Variants in SYT17 observed in about 807,000 individuals in gnomAD.
SYT17 encodes synaptotagmin 17.
SYT17 carries 22 observed loss-of-function variants against 46.7 expected under a neutral mutation model. That is an observed-to-expected ratio of 0.47 (90% CI 0.34 to 0.67). SYT17 has a LOEUF of 0.67. Ranked by LOEUF, SYT17 falls within the 30% of genes least tolerant of loss-of-function variation. The probability of loss-of-function intolerance (pLI) is 0.01; values close to 1 mark genes in which losing one functional copy is unlikely to be tolerated. For synonymous variants in SYT17, 251 were observed against 248.4 expected (o/e 1.01, Z -0.10); for missense variants, 519 against 612.8 (o/e 0.85, Z 1.62).
At chr16:19,178,148 A>G (rs145488443) in intron 3 of SYT17, among the ~76,000 whole-genome samples, 2,606 of 151,892 alleles carry the variant, frequency 0.017, 34 homozygotes, top group African/African-American at 0.024. Flanking sequence ...CAGTGGTGCA[A>G]TCTCGCTCAC....
chr16:19,190,885 G>A (rs113070115), intron 5 of SYT17, among the ~76,000 whole-genome samples: 2,194 of 151,724 alleles, frequency 0.014, 52 homozygotes, highest in African/African-American at 0.051. Context: ...TGCCTCCACC[G>A]TTTGGCTATT....
intron 5 of SYT17, among the ~76,000 whole-genome samples, chr16:19,194,022 C>T (rs886800670): frequency 6.6e-6 from 1 of 152,204 alleles, no homozygotes; most frequent in Non-Finnish European, 1.5e-5. Context: ...CTCTTGCCAC[C>T]CTCAGGGCTC....
intron 6 of SYT17, among the ~76,000 whole-genome samples, chr16:19,224,222 C>T (rs1256073229): frequency 6.6e-6 from 1 of 152,106 alleles, no homozygotes; most frequent in Non-Finnish European, 1.5e-5. Flanking sequence ...GTTCTGTGTC[C>T]ACCAGCAAGA....
Position 19,267,142 on chromosome 16 carries a change from A to G in SYT17, c.*66A>G. 7.3e-7 allele frequency: 1 copy of G among 1,377,874 alleles called. No individual in the cohort carries two copies. The highest frequency in any genetic ancestry group is 9.7e-7 in the Non-Finnish European group (1 of 1,035,814). 85.4% of individuals were successfully genotyped at this position (1,377,874 alleles called of 1,614,324 possible). On this transcript the variant is annotated 3_prime_UTR_variant, in exon 8 of 8. Transcript: ENST00000355377. ...AAAAAAAGACGGAAAAAAATGTGTC[A>G]CATACTATTACATCCACACCTGCAT...
intron 5 of SYT17, among the ~76,000 whole-genome samples, chr16:19,216,560 A>G (rs1038710031): frequency 5.3e-5 from 8 of 151,816 alleles, no homozygotes; most frequent in Admixed American, 3.3e-4. Flanking sequence ...AGATCCTGGT[A>G]TGTGATATTC....
chr16:19,173,688 A>G, intron 3 of SYT17, 110 bp downstream of exon 3: 1 of 1,231,816 alleles, frequency 8.1e-7, no homozygotes, highest in Non-Finnish European at 1.1e-6. Flanking sequence ...TGGGGGCATG[A>G]AAGAGAAGCA....
At position 19,223,149 on chromosome 16, in the gene SYT17, T is replaced by A. The variant is rs1008746554; in HGVS notation, c.1056T>A (p.Asp352Glu). ...VIRAKQLLQT[D>E]VSQGSDPFVK... Reference sequence around the variant, plus strand: ...GAGCCAAGCAACTTCTTCAGACAGATGTGAGCCAAGGTTCAGGTACCGTGT... The same window carrying A: ...GAGCCAAGCAACTTCTTCAGACAGAAGTGAGCCAAGGTTCAGGTACCGTGT... The change falls in exon 6 of 8, where the codon GAT becomes GAA. Residue 352 changes from aspartate to glutamate, a missense_variant. By Grantham distance (45) the Asp-to-Glu change is conservative (BLOSUM62 2). Transcript: ENST00000355377. 1.2e-6 allele frequency: 2 copies of A among 1,613,890 alleles called. No homozygotes were observed. The highest frequency in any genetic ancestry group is 4.5e-5 in the East Asian group (2 of 44,880).
chr16:19,188,830 G>C (rs1452776254), intron 5 of SYT17, among the ~76,000 whole-genome samples: 1 of 152,196 alleles, frequency 6.6e-6, no homozygotes, highest in Non-Finnish European at 1.5e-5. Flanking sequence ...GAGCTGCATT[G>C]CTCTAATCCC....
chr16:19,247,019 CA>C (rs1233364675), intron 7 of SYT17, among the ~76,000 whole-genome samples: 18 of 152,088 alleles, frequency 1.2e-4, no homozygotes, highest in African/African-American at 4.1e-4. Flanking sequence ...AAAGGGTGGC[CA>C]GGGGGAAGGT....
intron 7 of SYT17, among the ~76,000 whole-genome samples, chr16:19,241,271 T>C (rs1967097619): frequency 1.4e-5 from 2 of 145,682 alleles, no homozygotes; most frequent in Admixed American, 6.8e-5. Flanking sequence ...CTGACTTTGC[T>C]CCGAGTTAGG....
chr16:19,246,589 T>C (rs1967590512), intron 7 of SYT17, among the ~76,000 whole-genome samples: 1 of 152,206 alleles, frequency 6.6e-6, no homozygotes. Flanking sequence ...TATGTGTATA[T>C]ACGTACACAT....
chr16:19,259,239 A>G (rs1273845444), intron 7 of SYT17, among the ~76,000 whole-genome samples: 1 of 152,196 alleles, frequency 6.6e-6, no homozygotes, highest in Non-Finnish European at 1.5e-5. Context: ...TTGGAGGAGG[A>G]GAACTAAAAG....
intron 7 of SYT17, among the ~76,000 whole-genome samples, chr16:19,237,521 G>T (rs1966865061): frequency 6.6e-6 from 1 of 152,166 alleles, no homozygotes; most frequent in Non-Finnish European, 1.5e-5. Context: ...CCACGGCAAT[G>T]ACCCGACAAC....
At chr16:19,230,212 AG>A (rs1427262333) in intron 7 of SYT17, among the ~76,000 whole-genome samples, 1 of 152,156 alleles carries the variant, frequency 6.6e-6, no homozygotes, top group Admixed American at 6.5e-5. Flanking sequence ...GTTTGAGACC[AG>A]CCTGGCCAAT....
chr16:19,174,907 C>T lies in SYT17; in HGVS notation c.182+1329C>T, dbSNP rs567972835. ...TGAGGGCAGGCGGATCACTTGAGCTCAGGATTTCGAGACCAGCCTGGGCCA... is the reference window on the plus strand; with the variant it reads ...TGAGGGCAGGCGGATCACTTGAGCTTAGGATTTCGAGACCAGCCTGGGCCA... On this transcript the variant is annotated intron_variant, in intron 3 of 7. Transcript: ENST00000355377. 2.0e-5 allele frequency among the ~76,000 whole-genome samples: 3 copies of T among 152,186 alleles called. No individual in the cohort carries two copies. The South Asian group carries it at 6.2e-4, about 32-fold the overall frequency.
At chr16:19,195,580 G>T (rs1314509666) in intron 5 of SYT17, among the ~76,000 whole-genome samples, 2 of 151,958 alleles carry the variant, frequency 1.3e-5, no homozygotes, top group African/African-American at 4.8e-5. Flanking sequence ...GCTGGGCATG[G>T]TGGTGGGCGC....
chr16:19,200,982 C>T (rs933859396), intron 5 of SYT17, among the ~76,000 whole-genome samples: 6 of 152,126 alleles, frequency 3.9e-5, no homozygotes, highest in African/African-American at 1.4e-4. Flanking sequence ...GAGGGGGGAC[C>T]AGCTGGGGGG....
At chr16:19,219,599 A>T (rs74364489) in intron 5 of SYT17, among the ~76,000 whole-genome samples, 5,818 of 152,236 alleles carry the variant, frequency 0.038, 137 homozygotes, top group Non-Finnish European at 0.057. Flanking sequence ...TTTTTGGCAA[A>T]TGCACACGTA....
chr16:19,171,830 C>T (rs145161692), intron 1 of SYT17: 2 of 152,158 alleles, frequency 1.3e-5, no homozygotes, highest in East Asian at 1.9e-4. Flanking sequence ...GTGGCTGTCT[C>T]CAAGCCTCTG....
Sources: gnomAD v4.1 joint callset for allele counts (sites outside exome capture counted in the v4.1 genomes callset) on GRCh38, gnomAD v4.1.1 for gene constraint, MANE v1.5 for transcripts, NCBI Gene and HGNC (gene_info 2026-07-23, HGNC 2026-07-21) for gene names.